COPG2: variants seen among roughly 807,000 people sequenced by gnomAD.
COPG2 encodes coat protein complex I subunit gamma 2.
A neutral mutation model predicts 46.3 loss-of-function variants in COPG2; 37 were observed. That is an observed-to-expected ratio of 0.80 (90% CI 0.61 to 1.05). The LOEUF (loss-of-function observed/expected upper bound fraction) is 1.05, where lower values mean the gene tolerates loss of function less well. COPG2 is among the 50% of genes least tolerant of loss of function. The pLI, the probability that COPG2 is intolerant of heterozygous loss-of-function variation, is 0.00. For synonymous variants in COPG2, 159 were observed against 129.7 expected, an observed-to-expected ratio of 1.23 and a Z score of -1.53; for missense variants, 427 against 387.8, an observed-to-expected ratio of 1.10 and a Z score of -0.85.
chr7:130,667,828 G>A (rs1248119983), intron 1 of COPG2, among the ~76,000 whole-genome samples: 1 of 152,096 alleles, frequency 6.6e-6, no homozygotes, highest in Admixed American at 6.5e-5. Flanking sequence ...CAACAACGAA[G>A]ATTAATGAGA....
intron 9 of COPG2, among the ~76,000 whole-genome samples, chr7:130,597,737 C>T (rs1794557068): frequency 1.3e-5 from 2 of 152,114 alleles, no homozygotes; most frequent in African/African-American, 4.8e-5. Flanking sequence ...TGCTGTGTTC[C>T]AGGGGAGCCT....
At chr7:130,529,929 C>A (rs1307903091) in intron 20 of COPG2, among the ~76,000 whole-genome samples, 1 of 152,120 alleles carries the variant, frequency 6.6e-6, no homozygotes, top group Non-Finnish European at 1.5e-5. Context: ...AAAATATACG[C>A]AGAGGTTCAT....
intron 5 of COPG2, among the ~76,000 whole-genome samples, chr7:130,642,023 G>A (rs1584602489): frequency 1.3e-5 from 2 of 152,184 alleles, no homozygotes; most frequent in Non-Finnish European, 2.9e-5. Context: ...CCTAATGTGA[G>A]TGATGGATCA....
chr7:130,641,110 T>C (rs1314837664), intron 5 of COPG2, among the ~76,000 whole-genome samples: 2 of 140,702 alleles, frequency 1.4e-5, no homozygotes, highest in African/African-American at 5.3e-5. Flanking sequence ...GAGGCTGAGA[T>C]GAGAGGACTG....
chr7:130,651,947 G>A (rs975955285), intron 5 of COPG2, among the ~76,000 whole-genome samples: 8 of 152,152 alleles, frequency 5.3e-5, no homozygotes, highest in Admixed American at 5.2e-4. Context: ...ACCATGTCTG[G>A]CACATAAAAT....
chr7:130,643,475 C>G (rs1554457635), intron 5 of COPG2, among the ~76,000 whole-genome samples: 1 of 151,774 alleles, frequency 6.6e-6, no homozygotes, highest in Admixed American at 6.6e-5. Context: ...TTTTAAGGAG[C>G]CAGGAGTAGA....
At chr7:130,668,543 C>T (rs1356875779) in intron 1 of COPG2, 89 bp downstream of exon 1, 2 of 1,317,042 alleles carry the variant, frequency 1.5e-6, no homozygotes, top group Non-Finnish European at 2.0e-6. Flanking sequence ...GCCCACGCCC[C>T]CAGCCCCGCC....
At chr7:130,612,301 G>A in intron 7 of COPG2, 63 bp from the exon 8 acceptor site, 2 of 1,022,612 alleles carry the variant, frequency 2.0e-6, no homozygotes. Context: ...TTAGAAACAT[G>A]AGTTAGTTTT....
intron 20 of COPG2, among the ~76,000 whole-genome samples, chr7:130,523,551 C>G (rs1799745575): frequency 6.6e-6 from 1 of 152,152 alleles, no homozygotes; most frequent in South Asian, 2.1e-4. Flanking sequence ...TCAAGACTGT[C>G]AGGTGTGGGA....
intron 9 of COPG2, among the ~76,000 whole-genome samples, chr7:130,575,179 A>G (rs1485142204): frequency 1.3e-5 from 2 of 152,218 alleles, no homozygotes; most frequent in Non-Finnish European, 2.9e-5. Flanking sequence ...AGACCTAGAC[A>G]TCCAAATACA....
At chr7:130,645,233 G>T in intron 5 of COPG2, 1 of 702,184 alleles carries the variant, frequency 1.4e-6, no homozygotes, top group Non-Finnish European at 2.6e-6. Flanking sequence ...GTGTGAGAAA[G>T]GCTCTTGTTC....
chr7:130,668,091 G>A (rs1314861760), intron 1 of COPG2, among the ~76,000 whole-genome samples: 1 of 152,148 alleles, frequency 6.6e-6, no homozygotes, highest in Non-Finnish European at 1.5e-5. Flanking sequence ...CAAGACGCAG[G>A]TCACTTCTGG....
chr7:130,569,027 T>C (rs1275133564), intron 9 of COPG2, among the ~76,000 whole-genome samples: 3 of 151,890 alleles, frequency 2.0e-5, no homozygotes, highest in African/African-American at 7.3e-5. Flanking sequence ...TAATAGTATA[T>C]ACAGACCTCT....
intron 9 of COPG2, among the ~76,000 whole-genome samples, chr7:130,568,417 T>C (rs981723739): frequency 1.3e-5 from 2 of 152,206 alleles, no homozygotes; most frequent in East Asian, 1.9e-4. Context: ...GTAGCTATTA[T>C]ATCAGACAAA....
intron 5 of COPG2, among the ~76,000 whole-genome samples, chr7:130,628,362 C>A (rs1795158629): frequency 6.6e-6 from 1 of 151,638 alleles, no homozygotes; most frequent in Non-Finnish European, 1.5e-5. Context: ...ATTGTTTATA[C>A]TTCTTTAAAT....
intron 5 of COPG2, among the ~76,000 whole-genome samples, chr7:130,646,967 A>G (rs1297255201): frequency 0.26 from 454 of 1,718 alleles, 7 homozygotes; most frequent in Middle Eastern, 0.5. Context: ...GCATATATAT[A>G]TGTGTATATA....
chr7:130,607,283 A>AAATAAAGT (rs1554451397), intron 9 of COPG2, among the ~76,000 whole-genome samples: 1 of 146,990 alleles, frequency 6.8e-6, no homozygotes, highest in African/African-American at 2.5e-5. Context: ...ATAAATAAAT[A>AAATAAAGT]AAGTCATGGA....
intron 5 of COPG2, among the ~76,000 whole-genome samples, chr7:130,651,751 C>G (rs1795752290): frequency 6.6e-6 from 1 of 151,526 alleles, no homozygotes; most frequent in Admixed American, 6.6e-5. Flanking sequence ...CTCCTGACCT[C>G]ATGATCCACC....
At chr7:130,620,579 T>C (rs782147685) in intron 5 of COPG2, among the ~76,000 whole-genome samples, 2 of 152,210 alleles carry the variant, frequency 1.3e-5, no homozygotes, top group Non-Finnish European at 2.9e-5. Flanking sequence ...TGGGAATGTA[T>C]ATAATTGTTA....
Sources: gnomAD v4.1 joint callset for allele counts (sites outside exome capture counted in the v4.1 genomes callset) on GRCh38, gnomAD v4.1.1 for gene constraint, MANE v1.5 for transcripts, NCBI Gene and HGNC (gene_info 2026-07-23, HGNC 2026-07-21) for gene names.